PGAP2: variants seen among roughly 807,000 people sequenced by gnomAD.
The protein encoded by PGAP2 is acyltransferase PGAP2.
PGAP2 carries 21 observed loss-of-function variants against 33.2 expected under a neutral mutation model. That is an observed-to-expected ratio of 0.63 (90% CI 0.45 to 0.91). The LOEUF (loss-of-function observed/expected upper bound fraction) is 0.91. Among genes scored for constraint, PGAP2 ranks in the 40% least tolerant of loss-of-function variants. The pLI, the probability that PGAP2 is intolerant of heterozygous loss-of-function variation, is 0.00. For synonymous variants in PGAP2, 161 were observed against 172.9 expected (o/e 0.93, Z 0.54); for missense variants, 345 against 424.0 (o/e 0.81, Z 1.64).
upstream of PGAP2, among the ~76,000 whole-genome samples, chr11:3,806,687 G>A (rs1480360920): frequency 6.6e-6 from 1 of 152,208 alleles, no homozygotes; most frequent in Admixed American, 6.5e-5. Context: ...AGCTGTGTAA[G>A]TAGGTAACTT....
upstream of PGAP2, among the ~76,000 whole-genome samples, chr11:3,807,367 G>T (rs1564985101): frequency 7.1e-6 from 1 of 141,646 alleles, no homozygotes; most frequent in Non-Finnish European, 1.5e-5. Flanking sequence ...GAGTGCAGTG[G>T]TACGATCTCA....
intron 3 of PGAP2, among the ~76,000 whole-genome samples, chr11:3,822,041 G>A (rs553197923): frequency 6.6e-5 from 10 of 152,024 alleles, no homozygotes; most frequent in East Asian, 5.8e-4. Flanking sequence ...CTGGGCAACC[G>A]AAGTGAGACC....
At chr11:3,806,730 A>G (rs117979345), upstream of PGAP2, among the ~76,000 whole-genome samples, 2,443 of 152,280 alleles carry the variant, frequency 0.016, 44 homozygotes, top group Non-Finnish European at 0.025. Flanking sequence ...AAATGAGGAT[A>G]TTAAATAGTA....
In PGAP2 at chr11:3,811,341, T is replaced by G; in HGVS notation, c.82T>G (p.Cys28Gly). The G allele has an allele frequency of 6.2e-7, 1 of 1,614,136 alleles. No homozygotes were observed. The highest frequency in any genetic ancestry group is 8.5e-7 in the Non-Finnish European group (1 of 1,179,980). ...CACCATGGTGGCCCTGGTCACGGTC[T>G]GCTGTCCACTTGTCGCCTTCCTCTT... ...RFTMVALVTV[C>G]CPLVAFLFCI... The change falls in exon 2 of 7, where the codon TGC (cysteine) becomes GGC (glycine). Residue 28 changes from cysteine (C) to glycine (G), a missense_variant. By Grantham distance (159) the Cys-to-Gly change is radical. Transcript: ENST00000278243. The surrounding 1 kb of genome is among the most constrained non-coding windows in gnomAD (Gnocchi z 4.6).
chr11:3,817,472 C>A lies in PGAP2; in HGVS notation c.285C>A (p.Phe95Leu). The A allele has an allele frequency of 6.2e-7, 1 of 1,614,210 alleles. No individual in the cohort carries two copies. The highest frequency in any genetic ancestry group is 1.7e-5 in the Admixed American group (1 of 60,002). Residue 95 changes from phenylalanine to leucine, a missense_variant, in exon 3 of 7, where the codon TTC becomes TTA. Physicochemically the swap from Phe to Leu is conservative, Grantham distance 22. Transcript: ENST00000278243. ...CCATCACTTTTCCTGTGTTCGGCTT[C>A]TTCTTCTGCATCATCTGGTCCCTGG... ...WWAITFPVFGFFFCIIWSLVF... is the reference protein window; with the variant it reads ...WWAITFPVFGLFFCIIWSLVF...
In PGAP2 at chr11:3,823,993, C is replaced by A; in HGVS notation, c.459C>A (p.Ala153=). ...ACTCGGCGCCTCGCTTCTTGGTGGC[C>A]TTCGCCTACTGGAACCACTACCTCA... ...GLHSAPRFLV[A]FAYWNHYLSC... The change falls in exon 4 of 7, where the codon GCC becomes GCA. Residue 153 remains alanine, a synonymous_variant. Coordinates refer to ENST00000278243, the MANE Select transcript of PGAP2 (RefSeq NM_014489.4). The A allele has an allele frequency of 1.2e-6, 2 of 1,613,748 alleles. No homozygotes were observed. Among genetic ancestry groups the A allele is most frequent in the Non-Finnish European group, 1.7e-6 (2 of 1,180,028 alleles).
intron 3 of PGAP2, among the ~76,000 whole-genome samples, chr11:3,822,079 A>C (rs2088822881): frequency 6.6e-6 from 1 of 151,152 alleles, no homozygotes; most frequent in Admixed American, 6.6e-5. Context: ...AGCAAAAACA[A>C]AACGGCCGGG....
chr11:3,800,991 G>A (rs11029824), intron 1 of PGAP2, among the ~76,000 whole-genome samples: 97,137 of 149,954 alleles, frequency 0.65, 32,665 homozygotes, highest in East Asian at 0.8. Flanking sequence ...AAAATTAGCC[G>A]GGTGTGGTGG....
intron 2 of PGAP2, among the ~76,000 whole-genome samples, chr11:3,814,980 C>T (rs888478305): frequency 2.0e-5 from 3 of 150,094 alleles, no homozygotes; most frequent in African/African-American, 7.4e-5. Flanking sequence ...CTCTGTTGCC[C>T]AGGCTGGAGT....
At chr11:3,812,886 A>T (rs1356397878) in intron 2 of PGAP2, among the ~76,000 whole-genome samples, 1 of 152,200 alleles carries the variant, frequency 6.6e-6, no homozygotes, top group African/African-American at 2.4e-5. Flanking sequence ...GCTGGGAGCT[A>T]TTAGAAAGAA....
intron 1 of PGAP2, among the ~76,000 whole-genome samples, chr11:3,801,457 A>T (rs899736818): frequency 1.3e-5 from 2 of 151,450 alleles, no homozygotes; most frequent in Admixed American, 1.3e-4. Flanking sequence ...CCTGGCTAAC[A>T]TGGTGAAACC....
intron 3 of PGAP2, among the ~76,000 whole-genome samples, chr11:3,819,396 C>G (rs146053918): frequency 6.6e-6 from 1 of 151,770 alleles, no homozygotes; most frequent in East Asian, 1.9e-4. Context: ...AGCCAAGATG[C>G]GGACTGTGAG....
intron 2 of PGAP2, among the ~76,000 whole-genome samples, chr11:3,814,201 A>G (rs1200852204): frequency 2.0e-5 from 3 of 152,202 alleles, no homozygotes; most frequent in Non-Finnish European, 4.4e-5. Context: ...CTTCCTCCCC[A>G]GGTAGCCTGT....
intron 1 of PGAP2, among the ~76,000 whole-genome samples, chr11:3,799,156 A>G (rs541304805): frequency 2.0e-5 from 3 of 152,316 alleles, no homozygotes; most frequent in Non-Finnish European, 4.4e-5. Flanking sequence ...CAGAAAACTG[A>G]TATTACAAGA....
chr11:3,810,218 C>T (rs756583072), intron 1 of PGAP2, among the ~76,000 whole-genome samples: 1 of 152,180 alleles, frequency 6.6e-6, no homozygotes, highest in Non-Finnish European at 1.5e-5. Context: ...CCTTTTCTTC[C>T]TCCTGTGAAC....
At chr11:3,815,621 C>T (rs1207148360) in intron 2 of PGAP2, among the ~76,000 whole-genome samples, 3 of 152,186 alleles carry the variant, frequency 2.0e-5, no homozygotes, top group Non-Finnish European at 4.4e-5. Context: ...TACCGTTGAA[C>T]TTGGCCCAGT....
Position 3,817,345 on chromosome 11 carries a change from C to T in PGAP2, c.166-8C>T, listed in dbSNP as rs775623644. 6 of 1,607,232 alleles carry T rather than the reference C, an allele frequency of 3.7e-6. No individual in the cohort carries two copies. The South Asian group carries it at 6.6e-5, about 18-fold the overall frequency. ...CAGGCCCCAAGTTGTATCCCTCGTG[C>T]TGCTTAGGCCACGCCCTGCAGGATG... On this transcript the variant is annotated splice_region_variant and splice_polypyrimidine_tract_variant and intron_variant, in intron 2 of 6. Transcript: ENST00000278243.
At chr11:3,807,106 C>T (rs981362709), upstream of PGAP2, among the ~76,000 whole-genome samples, 2 of 151,204 alleles carry the variant, frequency 1.3e-5, no homozygotes, top group East Asian at 2.0e-4. Context: ...GAAGCCAAGG[C>T]GGGGGCAGAT....
Position 3,797,885 on chromosome 11 carries a change from G to A in PGAP2, c.42G>A (p.Val14=), listed in dbSNP as rs1482008056. The change falls in exon 1 of 7, where the codon GTG becomes GTA. Residue 14 remains valine (V), a synonymous_variant. Coordinates refer to the PGAP2 transcript ENST00000300730. ...GCACCGGCGGGGTGTCGGGAAGGGT[G>A]GTGACGCAACATAGAGACTCCGCCC... 11 of 1,549,628 alleles carry A rather than the reference G, an allele frequency of 7.1e-6. No individual in the cohort carries two copies. The South Asian group carries it at 9.5e-5, about 13-fold the overall frequency.
Sources: gnomAD v4.1 joint callset for allele counts (sites outside exome capture counted in the v4.1 genomes callset) on GRCh38, gnomAD v4.1.1 for gene constraint, Gnocchi (gnomAD v3.1) non-coding constraint, MANE v1.5 for transcripts, NCBI Gene and HGNC (gene_info 2026-07-23, HGNC 2026-07-21) for gene names.